Variants in NRG1 observed in about 807,000 individuals in gnomAD.
NRG1 encodes the protein neuregulin 1, also known as pro-neuregulin-1, membrane-bound isoform.
Under a neutral mutation model 63.8 loss-of-function variants are expected in NRG1, and 18 were observed. That is an observed-to-expected ratio of 0.28 (90% CI 0.19 to 0.42). The LOEUF is 0.42. Among genes scored for constraint, NRG1 ranks in the 10% least tolerant of loss-of-function variants. NRG1 has a pLI of 1.00. For synonymous variants in NRG1, 302 were observed against 301.3 expected (o/e 1.00, Z -0.02); for missense variants, 762 against 814.7 (o/e 0.94, Z 0.79).
chr8:32,183,112 A>T (rs1281708408), intron 1 of NRG1, among the ~76,000 whole-genome samples: 1 of 152,190 alleles, frequency 6.6e-6, no homozygotes, highest in Non-Finnish European at 1.5e-5. Flanking sequence ...CATTCTAGGG[A>T]TTCTAGGCAA....
At chr8:32,304,210 A>G (rs958576342) in intron 1 of NRG1, among the ~76,000 whole-genome samples, 1 of 152,268 alleles carries the variant, frequency 6.6e-6, no homozygotes, top group Non-Finnish European at 1.5e-5. Flanking sequence ...AAAATCATCT[A>G]GAAATCTTTC....
chr8:32,029,082 C>G (rs942736251), intron 1 of NRG1, among the ~76,000 whole-genome samples: 9 of 152,082 alleles, frequency 5.9e-5, no homozygotes, highest in Non-Finnish European at 1.2e-4. Flanking sequence ...AGGAAAGTGT[C>G]TTCTAAGTCA....
intron 1 of NRG1, among the ~76,000 whole-genome samples, chr8:31,997,503 T>G (rs1189924406): frequency 3.9e-5 from 6 of 152,012 alleles, no homozygotes; most frequent in African/African-American, 1.4e-4. Flanking sequence ...TCTTTCACAT[T>G]CATCACTTCA....
At chr8:31,981,305 A>G (rs554006677) in intron 1 of NRG1, among the ~76,000 whole-genome samples, 39 of 152,078 alleles carry the variant, frequency 2.6e-4, no homozygotes, top group Non-Finnish European at 4.6e-4. Context: ...CAACTTAGGA[A>G]CTGCCTCTTG....
intron 1 of NRG1, among the ~76,000 whole-genome samples, chr8:32,312,164 T>TTG (rs997100800): frequency 3.1e-5 from 4 of 130,322 alleles, no homozygotes; most frequent in Non-Finnish European, 6.6e-5. Flanking sequence ...TTTGTTTTTT[T>TTG]TTTTTTTTTT....
intron 1 of NRG1, among the ~76,000 whole-genome samples, chr8:32,303,183 C>CAAAAAAAAAAAAAAAAAA (rs1563291349): frequency 1.7e-5 from 1 of 59,708 alleles, no homozygotes; most frequent in Non-Finnish European, 2.9e-5. Context: ...AACTCAGTCT[C>CAAAAAAAAAAAAAAAAAA]CAAAAAAAAA....
chr8:32,700,381 CAAAA>C (rs569256027), intron 5 of NRG1, among the ~76,000 whole-genome samples: 2 of 151,816 alleles, frequency 1.3e-5, no homozygotes, highest in Non-Finnish European at 2.9e-5. Flanking sequence ...TTGATATAAA[CAAAA>C]AAATCAAATG....
At chr8:32,406,257 A>G (rs1175022782) in intron 1 of NRG1, among the ~76,000 whole-genome samples, 6 of 152,192 alleles carry the variant, frequency 3.9e-5, no homozygotes, top group East Asian at 1.9e-4. Context: ...TTGCATGGTC[A>G]GGGGCACGGT....
intron 1 of NRG1, among the ~76,000 whole-genome samples, chr8:31,747,734 A>G (rs1310670574): frequency 2.0e-5 from 3 of 151,958 alleles, no homozygotes; most frequent in Non-Finnish European, 4.4e-5. Flanking sequence ...CGATTAACAC[A>G]GGCCTCCCTG....
At chr8:32,035,777 T>C (rs1294659755) in intron 1 of NRG1, among the ~76,000 whole-genome samples, 1 of 152,210 alleles carries the variant, frequency 6.6e-6, no homozygotes, top group Non-Finnish European at 1.5e-5. Flanking sequence ...TTTTCTGTTT[T>C]CCACTTGCTT....
intron 2 of NRG1, among the ~76,000 whole-genome samples, chr8:32,605,186 A>C (rs763194413): frequency 6.6e-6 from 1 of 152,208 alleles, no homozygotes; most frequent in Non-Finnish European, 1.5e-5. Flanking sequence ...TTCTCTTCCT[A>C]AACCCTAGTG....
chr8:31,934,707 A>C (rs1399645252), intron 1 of NRG1, among the ~76,000 whole-genome samples: 1 of 152,082 alleles, frequency 6.6e-6, no homozygotes, highest in Non-Finnish European at 1.5e-5. Context: ...CTATTTAATG[A>C]AACTTTTTTT....
At position 32,305,746 on chromosome 8, in the gene NRG1, G is replaced by A. The variant is rs560472961; in HGVS notation, c.38-290082G>A. On this transcript the variant is annotated intron_variant, in intron 1 of 10. Coordinates refer to the NRG1 transcript ENST00000519301. ...CACTTGCTGATTCTTTAAATACTGT[G>A]CTTTGGTCCAGGGGATGTTACCTTA... 2.6e-5 allele frequency among the ~76,000 whole-genome samples: 4 copies of A among 152,280 alleles called. No homozygotes were observed. The South Asian group carries it at 6.2e-4, about 24-fold the overall frequency.
intron 1 of NRG1, among the ~76,000 whole-genome samples, chr8:32,433,513 A>G (rs138094645): frequency 5.3e-4 from 81 of 152,304 alleles, no homozygotes; most frequent in Non-Finnish European, 7.6e-4. Flanking sequence ...TTCGGGAAAT[A>G]ATTAATTCTT....
chr8:31,754,837 T>G (rs963837464), intron 1 of NRG1, among the ~76,000 whole-genome samples: 1 of 152,066 alleles, frequency 6.6e-6, no homozygotes, highest in African/African-American at 2.4e-5. Flanking sequence ...TGCAAAATTT[T>G]ATTGCAAAAC....
chr8:31,922,279 C>T (rs1412914090), intron 1 of NRG1, among the ~76,000 whole-genome samples: 1 of 152,114 alleles, frequency 6.6e-6, no homozygotes, highest in African/African-American at 2.4e-5. Flanking sequence ...TAAGAGTCAG[C>T]AAATCTGAGT....
chr8:32,357,561 A>C (rs1471839940), intron 1 of NRG1, among the ~76,000 whole-genome samples: 1 of 152,186 alleles, frequency 6.6e-6, no homozygotes, highest in African/African-American at 2.4e-5. Context: ...GCTTTTACAA[A>C]CCAAGATCTA....
chr8:32,520,067 G>T (rs1830186240), intron 1 of NRG1, among the ~76,000 whole-genome samples: 1 of 152,084 alleles, frequency 6.6e-6, no homozygotes, highest in South Asian at 2.1e-4. Context: ...CACTGTAATT[G>T]CATATGTGTA....
At chr8:31,966,048 A>G (rs73672011) in intron 1 of NRG1, among the ~76,000 whole-genome samples, 13,367 of 152,144 alleles carry the variant, frequency 0.088, 1,620 homozygotes, top group African/African-American at 0.28. Flanking sequence ...GGAGAGCCCA[A>G]TCTTCACCAT....
Sources: gnomAD v4.1 joint callset for allele counts (sites outside exome capture counted in the v4.1 genomes callset) on GRCh38, gnomAD v4.1.1 for gene constraint, MANE v1.5 for transcripts, NCBI Gene and HGNC (gene_info 2026-07-23, HGNC 2026-07-21) for gene names.